ZNRF1: variants seen among roughly 807,000 people sequenced by gnomAD.
ZNRF1 encodes E3 ubiquitin-protein ligase ZNRF1.
Under a neutral mutation model 18.4 loss-of-function variants are expected in ZNRF1, and 3 were observed. The observed-to-expected ratio is 0.16, with a 90% confidence interval of 0.07 to 0.42. The LOEUF is 0.42. Ranked by LOEUF, ZNRF1 falls within the 10% of genes least tolerant of loss-of-function variation. The pLI is 0.99. For synonymous variants in ZNRF1, 157 were observed against 144.2 expected, an observed-to-expected ratio of 1.09 and a Z score of -0.64; for missense variants, 310 against 329.8, an observed-to-expected ratio of 0.94 and a Z score of 0.47.
chr16:75,080,670 A>G (rs2035999161), intron 1 of ZNRF1, among the ~76,000 whole-genome samples: 1 of 152,110 alleles, frequency 6.6e-6, no homozygotes, highest in Non-Finnish European at 1.5e-5. Flanking sequence ...ACACTCCATA[A>G]AAAAGGGAAG....
At position 75,097,374 on chromosome 16, in the gene ZNRF1, C is replaced by T. The variant is rs145885102; in HGVS notation, c.520+3707C>T. 3.6e-3 allele frequency among the ~76,000 whole-genome samples: 555 copies of T among 152,192 alleles called. 6 individuals carry two copies. Among genetic ancestry groups the T allele is most frequent in the African/African-American group, 0.013 (525 of 41,520 alleles). ...TCTGGGGGGCGGCAGGTTCATTTGC[C>T]AGCAGCACCAAGGAGAGCTCCCCTC... On this transcript the variant is annotated intron_variant, in intron 2 of 4. Transcript: ENST00000335325.
chr16:75,085,799 A>AGAGAGAGAGAGAGAGG lies in ZNRF1; in HGVS notation c.425-7758_425-7757insGGAGAGAGAGAGAGAG, dbSNP rs2036065746. On this transcript the variant is annotated intron_variant, in intron 1 of 4. Coordinates refer to ENST00000335325, the MANE Select transcript of ZNRF1 (RefSeq NM_032268.5). ...AAACAGATCCGACAGAGTGAGAGAG[A>AGAGAGAGAGAGAGAGG]GAGAGAGAGAGAGAGAGAGTGAGTG... 3.4e-5 allele frequency among the ~76,000 whole-genome samples: 5 copies of AGAGAGAGAGAGAGAGG among 146,518 alleles called. No homozygotes were observed. In the South Asian group the frequency reaches 1.1e-3, roughly 31 times the overall value.
intron 1 of ZNRF1, among the ~76,000 whole-genome samples, chr16:75,031,272 C>G (rs1239585574): frequency 1.3e-5 from 2 of 151,722 alleles, no homozygotes; most frequent in Non-Finnish European, 2.9e-5. Context: ...GCTAGGATTA[C>G]AGGCGTGCAC....
chr16:75,100,053 G>A (rs1476580733), intron 2 of ZNRF1, among the ~76,000 whole-genome samples: 2 of 152,196 alleles, frequency 1.3e-5, no homozygotes, highest in Admixed American at 1.3e-4. Flanking sequence ...TGTGGGCACT[G>A]CTGGCTTCCC....
intron 1 of ZNRF1, among the ~76,000 whole-genome samples, chr16:75,014,168 T>C (rs573957046): frequency 6.6e-6 from 1 of 152,322 alleles, no homozygotes; most frequent in East Asian, 1.9e-4. Flanking sequence ...TTTTAGGCAT[T>C]CAAGAAAGAT....
Position 74,999,610 on chromosome 16 carries a change from T to A in ZNRF1, c.-62T>A, listed in dbSNP as rs2034809539. The A allele has an allele frequency of 8.2e-7, 1 of 1,213,286 alleles. No individual in the cohort carries two copies. Among genetic ancestry groups the A allele is most frequent in the Non-Finnish European group, 1.1e-6 (1 of 951,096 alleles). 75.2% of individuals were successfully genotyped at this position (1,213,286 alleles called of 1,614,324 possible). On this transcript the variant is annotated 5_prime_UTR_variant, in exon 1 of 5. Transcript: ENST00000335325. ...TATGCTCGCCCAGCCCTCCCCCTGCTGCTGAGAAGTGGGGGAGGGTCTCGG... is the reference window on the plus strand; with the variant it reads ...TATGCTCGCCCAGCCCTCCCCCTGCAGCTGAGAAGTGGGGGAGGGTCTCGG...
At chr16:75,016,422 T>TA (rs547932900) in intron 1 of ZNRF1, among the ~76,000 whole-genome samples, 79 of 151,952 alleles carry the variant, frequency 5.2e-4, no homozygotes, top group Non-Finnish European at 9.3e-4. Context: ...GTAGTTTTAG[T>TA]AGAGACATGG....
chr16:75,011,422 A>G (rs2034998784), intron 1 of ZNRF1, among the ~76,000 whole-genome samples: 2 of 152,076 alleles, frequency 1.3e-5, no homozygotes, highest in Admixed American at 6.6e-5. Context: ...TTTCAGAGAC[A>G]AGGTCTCACT....
rs186777400 is a variant in ZNRF1, at chr16:75,101,827, T to C, written c.521-2957T>C. ...CCAGACTTTGATCTGTGCCTACACA[T>C]GCATTTGAATATGTATGGTAGCTAG... On this transcript the variant is annotated intron_variant, in intron 2 of 4. Transcript: ENST00000335325. Among the ~76,000 whole-genome samples, 37 of 152,340 alleles carry C rather than the reference T, an allele frequency of 2.4e-4. 1 individual carries two copies. In the East Asian group the frequency reaches 6.9e-3, roughly 29 times the overall value.
In ZNRF1 at chr16:75,095,231, C is replaced by T. The variant is rs116885095; in HGVS notation, c.520+1564C>T. 78 of 162,878 alleles carry T rather than the reference C, an allele frequency of 4.8e-4. No homozygotes were observed. The East Asian group carries it at 0.011, about 24-fold the overall frequency. 10.1% of individuals were successfully genotyped at this position (162,878 alleles called of 1,614,324 possible). On this transcript the variant is annotated intron_variant, in intron 2 of 4. Transcript: ENST00000335325. ...CCATGCTCAGGTGGGAGGACCCGCA[C>T]GGCCCTCCCCTGGGCATCATAGCTG...
intron 1 of ZNRF1, among the ~76,000 whole-genome samples, chr16:75,022,335 G>A (rs1475731557): frequency 3.3e-5 from 5 of 151,894 alleles, no homozygotes; most frequent in Admixed American, 6.6e-5. Context: ...AGGCTGTGGC[G>A]GGTGGATCAC....
At position 75,002,461 on chromosome 16, in the gene ZNRF1, T is replaced by C. The variant is rs367723248; in HGVS notation, c.424+2366T>C. On this transcript the variant is annotated intron_variant, in intron 1 of 4. Coordinates refer to ENST00000335325, the MANE Select transcript of ZNRF1 (RefSeq NM_032268.5). The stretch of plus-strand genomic sequence containing the variant: ...TTAATTAGATGCCTGGAAGTTGATA[T>C]GATATGTTTGCTTGTGTTTTCAAGG... 5 of 152,342 alleles carry C rather than the reference T, an allele frequency of 3.3e-5. No individual in the cohort carries two copies. In the South Asian group the frequency reaches 1.0e-3, roughly 32 times the overall value. 9.4% of individuals were successfully genotyped at this position (152,342 alleles called of 1,614,324 possible).
intron 1 of ZNRF1, among the ~76,000 whole-genome samples, chr16:75,045,143 C>T (rs957900031): frequency 6.6e-6 from 1 of 152,204 alleles, no homozygotes; most frequent in South Asian, 2.1e-4. Flanking sequence ...GTTCTTTGAG[C>T]ACTTGATGTG....
chr16:75,040,611 T>G (rs1426285686), intron 1 of ZNRF1, among the ~76,000 whole-genome samples: 2 of 138,362 alleles, frequency 1.4e-5, no homozygotes, highest in Admixed American at 7.3e-5. Flanking sequence ...TTTTTTTTTT[T>G]TTTTTTTTTT....
intron 1 of ZNRF1, among the ~76,000 whole-genome samples, chr16:75,020,765 A>G (rs2035135610): frequency 6.6e-6 from 1 of 152,014 alleles, no homozygotes; most frequent in African/African-American, 2.4e-5. Context: ...GAAGGTCTCG[A>G]TCTCCTGACC....
chr16:75,049,927 A>G (rs180757695), intron 1 of ZNRF1, among the ~76,000 whole-genome samples: 60 of 152,070 alleles, frequency 3.9e-4, no homozygotes, highest in Non-Finnish European at 4.6e-4. Context: ...CACAATCAAG[A>G]TAACTGTTCC....
intron 2 of ZNRF1, chr16:75,095,516 A>G: frequency 7.4e-7 from 1 of 1,347,288 alleles, no homozygotes; most frequent in East Asian, 2.6e-5. Context: ...CTTCTTTCCC[A>G]CATGTGTGGA....
intron 1 of ZNRF1, among the ~76,000 whole-genome samples, chr16:75,003,608 A>C (rs2034881388): frequency 6.6e-6 from 1 of 152,156 alleles, no homozygotes; most frequent in South Asian, 2.1e-4. Context: ...CTGGTGCCAG[A>C]ACCTGGGCTC....
intron 1 of ZNRF1, 76 bp downstream of exon 1, chr16:75,000,171 T>C: frequency 1.3e-6 from 2 of 1,542,226 alleles, no homozygotes; most frequent in Admixed American, 3.9e-5. Context: ...CGTGCCAAGG[T>C]TTGGGAATGT....
Sources: allele counts gnomAD v4.1 joint callset (sites outside exome capture counted in the v4.1 genomes callset), GRCh38; gene constraint gnomAD v4.1.1; transcripts MANE v1.5; gene names NCBI Gene and HGNC (gene_info 2026-07-23, HGNC 2026-07-21).